CFAP221: variants seen among roughly 807,000 people sequenced by gnomAD.
CFAP221 encodes the protein cilia- and flagella-associated protein 221.
CFAP221 carries 97 observed loss-of-function variants against 113.1 expected under a neutral mutation model. The observed-to-expected ratio is 0.86, with a 90% CI of 0.73 to 1.02. The LOEUF is 1.02. Ranked by LOEUF, CFAP221 falls within the 50% of genes least tolerant of loss-of-function variation. The pLI is 0.00. For missense variants in CFAP221, 1,025 were observed against 1,013.4 expected (o/e 1.01, Z -0.16); for synonymous variants, 331 against 354.4 (o/e 0.93, Z 0.74).
intron 6 of CFAP221, among the ~76,000 whole-genome samples, chr2:119,564,513 T>TTGTAATAA (rs1681484937): frequency 6.6e-6 from 1 of 152,224 alleles, no homozygotes; most frequent in African/African-American, 2.4e-5. Flanking sequence ...CTTCTGAATC[T>TTGTAATAA]TGTAATAACC....
chr2:119,624,445 T>C (rs1408301754), intron 14 of CFAP221, among the ~76,000 whole-genome samples: 2 of 152,224 alleles, frequency 1.3e-5, no homozygotes, highest in African/African-American at 4.8e-5. Context: ...GTTCAACCAT[T>C]GTGGAAGACA....
At chr2:119,637,816 T>C (rs1216293665) in intron 19 of CFAP221, among the ~76,000 whole-genome samples, 4 of 152,230 alleles carry the variant, frequency 2.6e-5, no homozygotes, top group Admixed American at 2.6e-4. Flanking sequence ...ACATCGAATG[T>C]CATCCTCTTT....
At chr2:119,647,551 T>C (rs953173831) in intron 22 of CFAP221, among the ~76,000 whole-genome samples, 2 of 152,178 alleles carry the variant, frequency 1.3e-5, no homozygotes, top group African/African-American at 4.8e-5. Context: ...AAGCAAAGCC[T>C]GTGCCCTTGT....
chr2:119,567,920 T>C (rs1681764028), intron 6 of CFAP221, among the ~76,000 whole-genome samples: 1 of 152,158 alleles, frequency 6.6e-6, no homozygotes, highest in African/African-American at 2.4e-5. Context: ...ATTTTCTCTC[T>C]TTTCTTTTAG....
chr2:119,629,835 A>G lies in CFAP221; in HGVS notation c.1651-40A>G, dbSNP rs762011018. On this transcript the variant is annotated intron_variant, in intron 16 of 23. Transcript: ENST00000413369. ...AACAGAAGCATAGCCACTCTTGCTC[A>G]GTGGTGATTGTTCTCTTTTTTTCTC... 4.1e-6 allele frequency: 6 copies of G among 1,472,494 alleles called. No homozygotes were observed. In the East Asian group the frequency reaches 1.1e-4, roughly 28 times the overall value. The allele number at this position is 1,472,494 out of a possible 1,614,324, so 91.2% of individuals were successfully genotyped here.
chr2:119,656,160 C>A, intron 23 of CFAP221: 1 of 524,484 alleles, frequency 1.9e-6, no homozygotes. Context: ...ACTGATGCAG[C>A]TGAGGCCAGA....
chr2:119,602,496 C>A, intron 8 of CFAP221: 2 of 425,562 alleles, frequency 4.7e-6, no homozygotes, highest in Non-Finnish European at 6.3e-6. Flanking sequence ...CATGGATACA[C>A]ATCACATATT....
intron 7 of CFAP221, among the ~76,000 whole-genome samples, chr2:119,588,947 A>C (rs886170137): frequency 1.3e-5 from 2 of 152,166 alleles, no homozygotes; most frequent in African/African-American, 4.8e-5. Context: ...GGGGAGGTGG[A>C]TCCAGGAACA....
Position 119,620,081 on chromosome 2 carries a change from T to C in CFAP221, c.1410+4372T>C, listed in dbSNP as rs548073960. Among the ~76,000 whole-genome samples the C allele has an allele frequency of 2.0e-5, 3 of 152,028 alleles. No individual in the cohort carries two copies. The South Asian group carries it at 6.3e-4, about 32-fold the overall frequency. On this transcript the variant is annotated intron_variant, in intron 14 of 23. Coordinates refer to ENST00000413369, the MANE Select transcript of CFAP221 (RefSeq NM_001271049.2). ...GAATGAACAAAGCCCCCAAGAAATG[T>C]GGGACTATATGAAAAGACCAAACCT...
chr2:119,583,838 GAC>G (rs1683018935), intron 6 of CFAP221, among the ~76,000 whole-genome samples: 1 of 152,176 alleles, frequency 6.6e-6, no homozygotes, highest in South Asian at 2.1e-4. Flanking sequence ...ATTATGCGAA[GAC>G]ACAGTGAAAA....
At chr2:119,568,369 ATGTGCAGGT>A (rs1483639006) in intron 6 of CFAP221, among the ~76,000 whole-genome samples, 1 of 151,916 alleles carries the variant, frequency 6.6e-6, no homozygotes, top group Admixed American at 6.6e-5. Context: ...CATGTGCAGG[ATGTGCAGGT>A]TTGTTACATA....
Position 119,616,774 on chromosome 2 carries a change from G to A in CFAP221, c.1410+1065G>A, listed in dbSNP as rs529739135. On this transcript the variant is annotated intron_variant, in intron 14 of 23. Transcript: ENST00000413369. ...AGCTCTGCTCCATGGGACTGCACCT[G>A]TCCTTTGGGCCAGCCTGAGTCCACT... Among the ~76,000 whole-genome samples, 201 of 152,330 alleles carry A rather than the reference G, an allele frequency of 1.3e-3. 1 individual carries two copies. Among genetic ancestry groups the A allele is most frequent in the Non-Finnish European group, 2.3e-3 (155 of 68,036 alleles).
chr2:119,557,018 G>C (rs908211479), intron 3 of CFAP221: 2 of 152,204 alleles, frequency 1.3e-5, no homozygotes, highest in African/African-American at 4.8e-5. Flanking sequence ...GTGCTGGCTG[G>C]ATCTCCAGTC....
intron 6 of CFAP221, chr2:119,586,915 G>C (rs1204778062): frequency 2.4e-6 from 1 of 412,146 alleles, no homozygotes; most frequent in Non-Finnish European, 4.3e-6. Context: ...TGTAAGTGGG[G>C]ATAATCACGG....
chr2:119,591,334 A>G (rs1416150082), intron 7 of CFAP221, among the ~76,000 whole-genome samples: 1 of 152,234 alleles, frequency 6.6e-6, no homozygotes, highest in Non-Finnish European at 1.5e-5. Context: ...GTAATTAATA[A>G]TGACACACTG....
intron 14 of CFAP221, among the ~76,000 whole-genome samples, chr2:119,624,873 G>A (rs899335198): frequency 8.5e-5 from 13 of 152,244 alleles, no homozygotes; most frequent in African/African-American, 3.1e-4. Context: ...CCTGTCAGAG[G>A]GTGGGTGACT....
In CFAP221 at chr2:119,627,655, G is replaced by A; in HGVS notation, c.1519G>A (p.Ala507Thr). ...AGTGCCCTTTTTTTCACCCATAGAG[G>A]CGAATTTCTTCAAATTCTTCCTGAG... is the stretch of plus-strand genomic sequence containing the variant. ...GQAKQSIAQE[A>T]NFFKFFLRRI... The change falls in exon 16 of 24, where the codon GCG (alanine) becomes ACG (threonine). Residue 507 changes from alanine (A) to threonine (T), a missense_variant and splice_region_variant. Ala to Thr is a moderately conservative substitution (Grantham distance 58, BLOSUM62 0). Coordinates refer to ENST00000413369, the MANE Select transcript of CFAP221 (RefSeq NM_001271049.2). 1 of 1,612,660 alleles carries A rather than the reference G, an allele frequency of 6.2e-7. No homozygotes were observed. Among genetic ancestry groups the A allele is most frequent in the South Asian group, 1.1e-5 (1 of 90,942 alleles).
intron 10 of CFAP221, 66 bp downstream of exon 10, chr2:119,605,053 C>G: frequency 6.6e-7 from 1 of 1,520,024 alleles, no homozygotes; most frequent in Admixed American, 1.7e-5. Flanking sequence ...GCTGGTCACA[C>G]TGATTACCTA....
At position 119,625,420 on chromosome 2, in the gene CFAP221, G is replaced by A. The variant is rs954649844; in HGVS notation, c.1411-163G>A. Among the ~76,000 whole-genome samples, 7 of 152,192 alleles carry A rather than the reference G, an allele frequency of 4.6e-5. No individual in the cohort carries two copies. In the East Asian group the frequency reaches 1.3e-3, roughly 29 times the overall value. On this transcript the variant is annotated intron_variant, in intron 14 of 23. Coordinates refer to ENST00000413369, the MANE Select transcript of CFAP221 (RefSeq NM_001271049.2). Reference sequence around the variant, plus strand: ...GTATTGCCCAGACTTTGAAGTCCCTGTGGCCGCAGCCTAGGGAGAGTAGCA... The same window carrying A: ...GTATTGCCCAGACTTTGAAGTCCCTATGGCCGCAGCCTAGGGAGAGTAGCA...
Sources: allele counts gnomAD v4.1 joint callset (sites outside exome capture counted in the v4.1 genomes callset), GRCh38; gene constraint gnomAD v4.1.1; transcripts MANE v1.5; gene names NCBI Gene and HGNC (gene_info 2026-07-23, HGNC 2026-07-21).